The following MYH9 variants were observed in gnomAD, a reference collection of about 807,000 sequenced individuals.
MYH9 encodes myosin heavy chain 9.
A neutral mutation model predicts 241.9 loss-of-function variants in MYH9; 29 were observed. The observed-to-expected ratio is 0.12, with a 90% CI of 0.09 to 0.16. The LOEUF (loss-of-function observed/expected upper bound fraction) is 0.16, where lower values mean the gene tolerates loss of function less well. Among genes scored for constraint, MYH9 ranks in the 10% least tolerant of loss-of-function variants. The pLI, the probability that MYH9 is intolerant of heterozygous loss-of-function variation, is 1.00. For synonymous variants in MYH9, 1,047 were observed against 1,062.6 expected, an observed-to-expected ratio of 0.99 and a Z score of 0.29; for missense variants, 1,803 against 2,595.5, an observed-to-expected ratio of 0.69 and a Z score of 6.63.
At chr22:36,336,146 A>G (rs1158049052) in intron 3 of MYH9, among the ~76,000 whole-genome samples, 1 of 152,210 alleles carries the variant, frequency 6.6e-6, no homozygotes, top group Non-Finnish European at 1.5e-5. Flanking sequence ...AATGCTGGGA[A>G]CTCATTAAAA....
Position 36,322,609 on chromosome 22 carries a change from CCGTGTCAGCATGTCCAA to C in MYH9, c.613-105_613-89del, listed in dbSNP as rs554399821. ...GCCTGGAAGGGGGACGATGGCAGAG[CCGTGTCAGCATGTCCAA>C]CGTGCCAGGAACAGAGGTTTCCGGG... On this transcript the variant is annotated intron_variant, in intron 5 of 40. Coordinates refer to ENST00000216181, the MANE Select transcript of MYH9 (RefSeq NM_002473.6). 286 of 1,323,006 alleles carry C rather than the reference CCGTGTCAGCATGTCCAA, an allele frequency of 2.2e-4. 3 individuals carry two copies. In the East Asian group the frequency reaches 5.7e-3, roughly 27 times the overall value. The allele number at this position is 1,323,006 out of a possible 1,614,324, so 82.0% of individuals were successfully genotyped here.
Position 36,306,987 on chromosome 22 carries a change from C to T in MYH9, c.1844-380G>A, listed in dbSNP as rs928038921. 8.5e-5 allele frequency among the ~76,000 whole-genome samples: 13 copies of T among 152,054 alleles called. No homozygotes were observed. Among genetic ancestry groups the T allele is most frequent in the African/African-American group, 3.1e-4 (13 of 41,384 alleles). On this transcript the variant is annotated intron_variant, in intron 15 of 40. Coordinates refer to ENST00000216181, the MANE Select transcript of MYH9 (RefSeq NM_002473.6). This position sits in a 1 kb window ranked among gnomAD's most constrained non-coding sequence, Gnocchi z 4.1. ...TCTAACGAGGGGTGTGAAAACCTGG[C>T]TTACGGAATCCTGCTGTCCTATGGT...
Position 36,293,209 on chromosome 22 carries a change from CA to C in MYH9, c.4095+119del. On this transcript the variant is annotated intron_variant, in intron 30 of 40. Coordinates refer to ENST00000216181, the MANE Select transcript of MYH9 (RefSeq NM_002473.6). This position sits in a 1 kb window ranked among gnomAD's most constrained non-coding sequence, Gnocchi z 5.1. ...ATGTGGGAGAGCACGGTTGGCTTCC[CA>C]GGGGGAGAGCAGCAATGGGCCGGCC... The C allele has an allele frequency of 2.2e-6, 3 of 1,369,792 alleles. No individual in the cohort carries two copies. The highest frequency in any genetic ancestry group is 3.0e-6 in the Non-Finnish European group (3 of 988,768). 84.9% of individuals were successfully genotyped at this position (1,369,792 alleles called of 1,614,324 possible).
rs117079372 is a variant in MYH9, at chr22:36,335,580, C to G, written c.490+5790G>C. Among the ~76,000 whole-genome samples the G allele has an allele frequency of 1.7e-3, 263 of 152,344 alleles. 9 individuals are homozygous for G. In the East Asian group the frequency reaches 0.043, roughly 25 times the overall value. On this transcript the variant is annotated intron_variant, in intron 3 of 40. Transcript: ENST00000216181. ...AGCCTCTGCCAAACATGGCACTTTTCCTCAGAAAGACATTGGAAAGCAGAC... is the reference window on the plus strand; with the variant it reads ...AGCCTCTGCCAAACATGGCACTTTTGCTCAGAAAGACATTGGAAAGCAGAC...
In MYH9 at chr22:36,376,507, G is replaced by A. The variant is rs111727794; in HGVS notation, c.-20+11300C>T. ...AGGGACAGGCTGTCAGCCCTCCATC[G>A]CTGCTGAGCCCCACCAAGCCAGCAC... On this transcript the variant is annotated intron_variant, in intron 1 of 40. Transcript: ENST00000216181. Among the ~76,000 whole-genome samples, 1,224 of 152,248 alleles carry A rather than the reference G, an allele frequency of 8.0e-3. 21 individuals carry two copies. The highest frequency in any genetic ancestry group is 0.025 in the African/African-American group (1,032 of 41,538).
At chr22:36,291,870 C>T (rs563264886) in intron 31 of MYH9, 116 bp downstream of exon 31, 100 of 1,502,314 alleles carry the variant, frequency 6.7e-5, no homozygotes, top group Non-Finnish European at 8.2e-5. Flanking sequence ...TGGCCCCGCA[C>T]GGCCCCTCCC....
Position 36,286,804 on chromosome 22 carries a change from C to T in MYH9, c.4975G>A (p.Ala1659Thr), listed in dbSNP as rs371410108. 5.0e-6 allele frequency: 8 copies of T among 1,611,826 alleles called. No individual in the cohort carries two copies. Among genetic ancestry groups the T allele is most frequent in the African/African-American group, 4.0e-5 (3 of 74,926 alleles). The stretch of plus-strand genomic sequence containing the variant: ...TGGGCCAGGATCTCCTCACGAGAGG[C>T]GCGGGTGTCATCCAGCTCGCGCATG... ...DCMRELDDTR[A>T]SREEILAQAK... Residue 1659 changes from alanine (A) to threonine (T), a missense_variant, in exon 35 of 41, where the codon GCC (alanine) becomes ACC (threonine). By Grantham distance (58) the Ala-to-Thr change is moderately conservative. Around this residue, in one of 11 missense-constraint regions of MYH9, gnomAD observed 876 missense variants for 1,077.8 expected, o/e 0.81. Transcript: ENST00000216181.
intron 30 of MYH9, 146 bp from the exon 31 acceptor site, chr22:36,292,380 C>G: frequency 9.4e-7 from 1 of 1,069,218 alleles, no homozygotes; most frequent in South Asian, 1.3e-5. Flanking sequence ...CTCCCCCAGT[C>G]ACTTCCCTCT....
intron 21 of MYH9, 51 bp from the exon 22 acceptor site, chr22:36,301,108 C>T: frequency 1.3e-6 from 2 of 1,560,752 alleles, no homozygotes; most frequent in South Asian, 2.2e-5. Context: ...CCTCAAGCCA[C>T]TCCATCCTCA....
Position 36,321,869 on chromosome 22 carries a change from G to A in MYH9, c.706-48C>T, listed in dbSNP as rs368292157. Reference sequence around the variant, plus strand: ...AGATCAGAGGTGCCCCTGACATGGGGAGCTAGAGAGCACGGGGGAGACCAC... The same window carrying A: ...AGATCAGAGGTGCCCCTGACATGGGAAGCTAGAGAGCACGGGGGAGACCAC... On this transcript the variant is annotated intron_variant, in intron 6 of 40. Transcript: ENST00000216181. The A allele has an allele frequency of 3.3e-6, 5 of 1,523,826 alleles. No individual in the cohort carries two copies. The African/African-American group carries it at 5.5e-5, about 17-fold the overall frequency. 94.4% of individuals were successfully genotyped at this position (1,523,826 alleles called of 1,614,324 possible). A position where few individuals can be genotyped will look rare whatever the true frequency, so the allele number is the denominator to read the frequency against.
In MYH9 at chr22:36,333,966, A is replaced by C. The variant is rs913294867; in HGVS notation, c.491-6478T>G. Among the ~76,000 whole-genome samples the C allele has an allele frequency of 6.1e-4, 93 of 152,242 alleles. 1 individual carries two copies. The highest frequency in any genetic ancestry group is 6.9e-4 in the Non-Finnish European group (47 of 68,000). ...TCAGGGGATGGGGAGCAGAAACAAA[A>C]AACACTGGGCAAAGCTTCCAAACAC... On this transcript the variant is annotated intron_variant, in intron 3 of 40. Transcript: ENST00000216181.
intron 14 of MYH9, among the ~76,000 whole-genome samples, chr22:36,310,532 G>A (rs369789778): frequency 6.6e-6 from 1 of 152,230 alleles, no homozygotes; most frequent in Admixed American, 6.5e-5. Context: ...CAGCCCAGAG[G>A]TGCTCCCCTC....
chr22:36,306,702 G>C lies in MYH9; in HGVS notation c.1844-95C>G, dbSNP rs1603483158. On this transcript the variant is annotated intron_variant, in intron 15 of 40. Coordinates refer to ENST00000216181, the MANE Select transcript of MYH9 (RefSeq NM_002473.6). This position sits in a 1 kb window ranked among gnomAD's most constrained non-coding sequence, Gnocchi z 4.1. ...GAGAGAGACAGGCACACGTCGGACA[G>C]GAAAAGAGGAGACAGAATGAAACAA... 3 of 1,216,814 alleles carry C rather than the reference G, an allele frequency of 2.5e-6. No individual in the cohort carries two copies. The East Asian group carries it at 7.6e-5, about 31-fold the overall frequency. The allele number at this position is 1,216,814 out of a possible 1,614,324, so 75.4% of individuals were successfully genotyped here. A position where few individuals can be genotyped will look rare whatever the true frequency, so the allele number is the denominator to read the frequency against.
rs115557128 is a variant in MYH9, at chr22:36,308,689, G to A, written c.1843+593C>T. 726 of 437,324 alleles carry A rather than the reference G, an allele frequency of 1.7e-3. 2 individuals carry two copies. The highest frequency in any genetic ancestry group is 0.015 in the African/African-American group (686 of 45,554). The allele number at this position is 437,324 out of a possible 1,614,324, so 27.1% of individuals were successfully genotyped here. A position where few individuals can be genotyped will look rare whatever the true frequency, so the allele number is the denominator to read the frequency against. Reference sequence around the variant, plus strand: ...CAGGGGCAGATCAGGGAACGGGGGTGTAAGCAGGCAGGAAAAGCCAAGGCA... The same window carrying A: ...CAGGGGCAGATCAGGGAACGGGGGTATAAGCAGGCAGGAAAAGCCAAGGCA... On this transcript the variant is annotated intron_variant, in intron 15 of 40. Transcript: ENST00000216181.
At chr22:36,371,577 C>A (rs2018090676) in intron 1 of MYH9, among the ~76,000 whole-genome samples, 1 of 152,012 alleles carries the variant, frequency 6.6e-6, no homozygotes, top group Non-Finnish European at 1.5e-5. Context: ...CTCTTGTTGC[C>A]CAGGCTGGAG....
At chr22:36,370,134 C>T (rs2146415442) in intron 1 of MYH9, among the ~76,000 whole-genome samples, 1 of 152,284 alleles carries the variant, frequency 6.6e-6, no homozygotes, top group African/African-American at 2.4e-5. Flanking sequence ...TTTCCTCATT[C>T]CACAGATAAG....
rs2016494823 is a variant in MYH9, at chr22:36,281,865, T to C, written c.*803A>G. The C allele has an allele frequency of 4.3e-6, 1 of 230,708 alleles. No homozygotes were observed. The highest frequency in any genetic ancestry group is 2.2e-5 in the African/African-American group (1 of 45,152). The allele number at this position is 230,708 out of a possible 1,614,324, so 14.3% of individuals were successfully genotyped here. On this transcript the variant is annotated 3_prime_UTR_variant, in exon 41 of 41. Transcript: ENST00000216181. ...GACTTGGGACAAGTCCCTTAACCAT[T>C]AAATATATTTGGTCCCCAAGAGTGT...
rs376131935 is a variant in MYH9, at chr22:36,320,601, C to T, written c.868+197G>A. ...ATTTGCAGCTACATGTGCAACCCAC[C>T]CTAGCTTTTCTCTGGCATGGTCAGA... is the stretch of plus-strand genomic sequence containing the variant. On this transcript the variant is annotated intron_variant, in intron 8 of 40. Coordinates refer to ENST00000216181, the MANE Select transcript of MYH9 (RefSeq NM_002473.6). This position sits in a 1 kb window ranked among gnomAD's most constrained non-coding sequence, Gnocchi z 4.8. Among the ~76,000 whole-genome samples the T allele has an allele frequency of 9.8e-5, 15 of 152,314 alleles. No individual in the cohort carries two copies. Among genetic ancestry groups the T allele is most frequent in the East Asian group, 9.6e-4 (5 of 5,188 alleles).
At chr22:36,319,751 C>G (rs1255974071) in intron 9 of MYH9, 116 bp from the exon 10 acceptor site, 1 of 1,043,948 alleles carries the variant, frequency 9.6e-7, no homozygotes, top group Non-Finnish European at 1.4e-6. Flanking sequence ...GGACACCCCC[C>G]AACTCCCTGG....
Sources: allele counts gnomAD v4.1 joint callset (sites outside exome capture counted in the v4.1 genomes callset), GRCh38; gene constraint gnomAD v4.1.1; regional missense constraint gnomAD v4.1.1; non-coding constraint Gnocchi (gnomAD v3.1); transcripts MANE v1.5; gene names NCBI Gene and HGNC (gene_info 2026-07-23, HGNC 2026-07-21).